SLC36A1: variants seen among roughly 807,000 people sequenced by gnomAD.
SLC36A1 encodes solute carrier family 36 member 1.
Under a neutral mutation model 47.5 loss-of-function variants are expected in SLC36A1, and 30 were observed. That is an observed-to-expected ratio of 0.63 (90% CI 0.47 to 0.86). The LOEUF is 0.86. Ranked by LOEUF, SLC36A1 falls within the 40% of genes least tolerant of loss-of-function variation. The probability of loss-of-function intolerance (pLI) is 0.00; values close to 1 mark genes in which losing one functional copy is unlikely to be tolerated. For synonymous variants in SLC36A1, 255 were observed against 249.7 expected, an observed-to-expected ratio of 1.02 and a Z score of -0.20; for missense variants, 517 against 606.0, an observed-to-expected ratio of 0.85 and a Z score of 1.54.
At chr5:151,439,577 C>T (rs375288479) in intron 1 of SLC36A1, among the ~76,000 whole-genome samples, 2 of 150,478 alleles carry the variant, frequency 1.3e-5, no homozygotes, top group Non-Finnish European at 2.9e-5. Flanking sequence ...TGCTTGAACT[C>T]GGAAGGTGGA....
At chr5:151,486,678 C>A (rs1023932205) in intron 10 of SLC36A1, among the ~76,000 whole-genome samples, 5 of 152,156 alleles carry the variant, frequency 3.3e-5, no homozygotes, top group Non-Finnish European at 5.9e-5. Context: ...TAGAAGCAAA[C>A]CTCTCATATA....
At chr5:151,479,043 T>G (rs970445670) in intron 9 of SLC36A1, among the ~76,000 whole-genome samples, 8 of 152,254 alleles carry the variant, frequency 5.3e-5, no homozygotes, top group Non-Finnish European at 1.0e-4. Flanking sequence ...CACCACGATT[T>G]ACCTATCGAG....
At chr5:151,528,463 G>A in the SLC36A1 span, among the ~76,000 whole-genome samples, 4 of 152,164 alleles carry the variant, frequency 2.6e-5, no homozygotes, top group Non-Finnish European at 5.9e-5. Context: ...AGTATGATCA[G>A]CCTTATAAGA....
chr5:151,550,105 G>A, the SLC36A1 span, among the ~76,000 whole-genome samples: 7 of 152,156 alleles, frequency 4.6e-5, no homozygotes, highest in African/African-American at 1.4e-4. Context: ...GAACTAGGGG[G>A]AAGCAAGTGA....
chr5:151,439,652 CA>C (rs1433712658), intron 1 of SLC36A1, among the ~76,000 whole-genome samples: 47 of 103,536 alleles, frequency 4.5e-4, no homozygotes, highest in African/African-American at 1.4e-3. Flanking sequence ...GACTCCATCT[CA>C]AAAAAAAAAG....
chr5:151,419,828 G>C, the SLC36A1 span: 1 of 152,170 alleles, frequency 6.6e-6, no homozygotes, highest in Non-Finnish European at 1.5e-5. Context: ...TGGACTACAG[G>C]ATTTGTGGGA....
the SLC36A1 span, chr5:151,380,877 A>T: frequency 2.3e-6 from 1 of 431,558 alleles, no homozygotes; most frequent in Non-Finnish European, 4.6e-6. Context: ...AGGGATGTGA[A>T]GAAAGTCCAA....
At chr5:151,458,441 C>T (rs566782033) in intron 1 of SLC36A1, among the ~76,000 whole-genome samples, 18 of 151,610 alleles carry the variant, frequency 1.2e-4, no homozygotes, top group South Asian at 2.1e-4. Flanking sequence ...ATAGGGAATG[C>T]GGAATTCCAG....
the SLC36A1 span, among the ~76,000 whole-genome samples, chr5:151,378,849 C>T: frequency 3.9e-5 from 6 of 152,258 alleles, no homozygotes; most frequent in Non-Finnish European, 7.3e-5. Context: ...GGCTGGCACA[C>T]AGCCACCTGG....
chr5:151,467,985 G>T (rs1406646426), intron 7 of SLC36A1, 60 bp downstream of exon 7: 5 of 1,443,958 alleles, frequency 3.5e-6, no homozygotes, highest in Non-Finnish European at 3.9e-6. Flanking sequence ...GCCAGGCGTG[G>T]TAGCTCATGC....
intron 9 of SLC36A1, 79 bp downstream of exon 9, chr5:151,476,835 T>G (rs1008686370): frequency 3.3e-6 from 5 of 1,537,194 alleles, no homozygotes; most frequent in Non-Finnish European, 4.5e-6. Flanking sequence ...ATTCTCCCTC[T>G]TACTTATCTC....
chr5:151,361,228 T>C, the SLC36A1 span, among the ~76,000 whole-genome samples: 1 of 152,194 alleles, frequency 6.6e-6, no homozygotes, highest in Non-Finnish European at 1.5e-5. Flanking sequence ...GTAGTGAGCC[T>C]TAAAGTTCGT....
chr5:151,350,852 A>T, the SLC36A1 span, among the ~76,000 whole-genome samples: 6 of 152,008 alleles, frequency 3.9e-5, no homozygotes, highest in Non-Finnish European at 8.8e-5. Context: ...CAGGTGCATG[A>T]CACCATGCCT....
At chr5:151,553,200 C>G in the SLC36A1 span, 1 of 1,614,242 alleles carries the variant, frequency 6.2e-7, no homozygotes, top group Non-Finnish European at 8.5e-7. Flanking sequence ...CCAGAAGAGT[C>G]CGGGTCTGCC....
chr5:151,359,303 C>G, the SLC36A1 span, among the ~76,000 whole-genome samples: 4 of 152,206 alleles, frequency 2.6e-5, no homozygotes, highest in African/African-American at 7.2e-5. Context: ...CAACCTATAT[C>G]TCTAATGAAT....
intron 9 of SLC36A1, among the ~76,000 whole-genome samples, chr5:151,477,249 C>T (rs544334540): frequency 6.6e-6 from 1 of 152,208 alleles, no homozygotes; most frequent in Admixed American, 6.5e-5. Flanking sequence ...TGAAATGCTT[C>T]CTGAAAGGGT....
the SLC36A1 span, chr5:151,542,745 C>A: frequency 6.2e-7 from 1 of 1,614,222 alleles, no homozygotes; most frequent in East Asian, 2.2e-5. Flanking sequence ...CAAATACAGG[C>A]CTATTGTCAT....
chr5:151,540,010 G>A, the SLC36A1 span, among the ~76,000 whole-genome samples: 1 of 152,232 alleles, frequency 6.6e-6, no homozygotes, highest in East Asian at 1.9e-4. Context: ...TTTGTCTGGG[G>A]TCAGGTCTCT....
chr5:151,413,750 A>T, the SLC36A1 span, among the ~76,000 whole-genome samples: 8 of 152,152 alleles, frequency 5.3e-5, 2 homozygotes, highest in Admixed American at 5.2e-4. Context: ...TGTATCACTC[A>T]AGAGACATCA....
Sources: gnomAD v4.1 joint callset for allele counts (sites outside exome capture counted in the v4.1 genomes callset) on GRCh38, gnomAD v4.1.1 for gene constraint, MANE v1.5 for transcripts, NCBI Gene and HGNC (gene_info 2026-07-23, HGNC 2026-07-21) for gene names.